DAB1: variants seen among roughly 807,000 people sequenced by gnomAD.
DAB1 encodes the protein disabled homolog 1.
In DAB1, 15 loss-of-function variants were observed where a neutral mutation model predicts 64.6. That is an observed-to-expected ratio of 0.23 (90% CI 0.16 to 0.36). DAB1 has a LOEUF of 0.36. DAB1 is among the 10% of genes least tolerant of loss of function. The pLI is 1.00. For missense variants in DAB1, 596 were observed against 706.7 expected (o/e 0.84, Z 1.78); for synonymous variants, 235 against 251.9 (o/e 0.93, Z 0.64).
chr1:57,527,485 A>G (rs752589039), intron 7 of DAB1, among the ~76,000 whole-genome samples: 4 of 152,178 alleles, frequency 2.6e-5, no homozygotes, highest in Non-Finnish European at 4.4e-5. Context: ...TCACTTCCTC[A>G]AGATGACAGA....
chr1:57,844,580 T>A (rs1653194586), intron 1 of DAB1, among the ~76,000 whole-genome samples: 1 of 152,204 alleles, frequency 6.6e-6, no homozygotes, highest in Non-Finnish European at 1.5e-5. Flanking sequence ...GCCCACCATA[T>A]CACTTATCCC....
intron 6 of DAB1, among the ~76,000 whole-genome samples, chr1:57,734,491 C>T (rs1647590637): frequency 2.6e-5 from 4 of 152,224 alleles, no homozygotes; most frequent in Admixed American, 2.6e-4. Flanking sequence ...CCAACTCTGA[C>T]AACTTCAGTT....
At chr1:58,292,444 T>C (rs1014554495) in intron 4 of DAB1, among the ~76,000 whole-genome samples, 1 of 152,210 alleles carries the variant, frequency 6.6e-6, no homozygotes, top group Non-Finnish European at 1.5e-5. Flanking sequence ...TAATAATAAT[T>C]CTTCAATTCC....
At chr1:57,237,830 A>G (rs1239897978) in intron 2 of DAB1, among the ~76,000 whole-genome samples, 2 of 152,222 alleles carry the variant, frequency 1.3e-5, no homozygotes, top group Non-Finnish European at 2.9e-5. Flanking sequence ...GTGTAAGGAA[A>G]ATGCTTTGGG....
At chr1:57,017,881 T>A (rs1266641360) in intron 11 of DAB1, among the ~76,000 whole-genome samples, 2 of 152,116 alleles carry the variant, frequency 1.3e-5, no homozygotes, top group African/African-American at 4.8e-5. Context: ...TACTTTGATA[T>A]GGCCCAGTGG....
intron 6 of DAB1, among the ~76,000 whole-genome samples, chr1:57,815,436 A>G (rs1192560248): frequency 6.6e-6 from 1 of 152,170 alleles, no homozygotes; most frequent in East Asian, 1.9e-4. Flanking sequence ...ACTGGACTGA[A>G]CTGGAATGGG....
chr1:57,191,206 C>T (rs1416117731), intron 2 of DAB1, among the ~76,000 whole-genome samples: 1 of 152,178 alleles, frequency 6.6e-6, no homozygotes, highest in Non-Finnish European at 1.5e-5. Flanking sequence ...TTCATCCTGG[C>T]TTCTCTACTT....
At chr1:57,818,160 G>A (rs759426272) in intron 6 of DAB1, among the ~76,000 whole-genome samples, 8 of 152,128 alleles carry the variant, frequency 5.3e-5, no homozygotes, top group Non-Finnish European at 1.0e-4. Context: ...AGAGTGTGAG[G>A]GGTGTTATAA....
At chr1:57,072,926 T>C (rs1010638887) in intron 4 of DAB1, among the ~76,000 whole-genome samples, 2 of 152,226 alleles carry the variant, frequency 1.3e-5, no homozygotes, top group African/African-American at 4.8e-5. Context: ...AATGCCTTTC[T>C]CTGTTTTGCC....
intron 2 of DAB1, among the ~76,000 whole-genome samples, chr1:57,280,657 C>T (rs996474370): frequency 6.6e-6 from 1 of 152,172 alleles, no homozygotes; most frequent in African/African-American, 2.4e-5. Context: ...TATGGCAAAT[C>T]TTATAGCTCT....
intron 6 of DAB1, among the ~76,000 whole-genome samples, chr1:57,718,836 C>G (rs761273857): frequency 1.5e-4 from 23 of 151,904 alleles, no homozygotes; most frequent in Non-Finnish European, 3.1e-4. Context: ...AATAATGAAG[C>G]CTTGAGATGA....
intron 2 of DAB1, among the ~76,000 whole-genome samples, chr1:57,248,404 G>C (rs755979538): frequency 6.6e-6 from 1 of 151,922 alleles, no homozygotes; most frequent in Non-Finnish European, 1.5e-5. Flanking sequence ...CACTCCTTTA[G>C]GGCTGAATCT....
At chr1:57,413,049 A>G (rs952993963) in intron 1 of DAB1, among the ~76,000 whole-genome samples, 3 of 152,160 alleles carry the variant, frequency 2.0e-5, no homozygotes, top group Admixed American at 6.5e-5. Context: ...TGAAAATTCT[A>G]GGGCCCTTAA....
intron 4 of DAB1, among the ~76,000 whole-genome samples, chr1:58,192,166 G>GGCAC (rs905964490): frequency 1.3e-5 from 2 of 152,166 alleles, no homozygotes; most frequent in Non-Finnish European, 2.9e-5. Flanking sequence ...AGTTATAGAA[G>GGCAC]GCACCTAGAA....
chr1:57,596,898 T>C (rs187098638), intron 7 of DAB1, among the ~76,000 whole-genome samples: 5 of 152,324 alleles, frequency 3.3e-5, no homozygotes, highest in Non-Finnish European at 7.3e-5. Flanking sequence ...TCCTTGTAGG[T>C]GTGCCCATTA....
At chr1:57,260,603 G>A (rs1670108966) in intron 2 of DAB1, among the ~76,000 whole-genome samples, 1 of 152,106 alleles carries the variant, frequency 6.6e-6, no homozygotes, top group South Asian at 2.1e-4. Context: ...AGATCCTGAG[G>A]CTGCATGGCA....
intron 3 of DAB1, among the ~76,000 whole-genome samples, chr1:58,364,048 C>T (rs183226057): frequency 6.6e-6 from 1 of 152,218 alleles, no homozygotes; most frequent in South Asian, 2.1e-4. Context: ...CCCAGGCAGA[C>T]TGAGTGATGT....
chr1:57,661,196 A>T (rs1208302554), intron 6 of DAB1, among the ~76,000 whole-genome samples: 1 of 152,070 alleles, frequency 6.6e-6, no homozygotes, highest in Admixed American at 6.5e-5. Context: ...GCTAGAGAAG[A>T]TTGAGTTCTA....
chr1:57,619,030 C>T (rs182610648), intron 7 of DAB1, among the ~76,000 whole-genome samples: 23 of 152,302 alleles, frequency 1.5e-4, no homozygotes, highest in African/African-American at 5.5e-4. Flanking sequence ...TTGTAAAACA[C>T]AGAGTATGTT....
Sources: allele counts gnomAD v4.1 joint callset (sites outside exome capture counted in the v4.1 genomes callset), GRCh38; gene constraint gnomAD v4.1.1; transcripts MANE v1.5; gene names NCBI Gene and HGNC (gene_info 2026-07-23, HGNC 2026-07-21).